Variants in TJP3 observed in about 807,000 individuals in gnomAD.
The protein encoded by TJP3 is tight junction protein ZO-3.
A neutral mutation model predicts 104.2 loss-of-function variants in TJP3; 85 were observed. The observed-to-expected ratio is 0.82, with a 90% CI of 0.68 to 0.98. The LOEUF (loss-of-function observed/expected upper bound fraction) is 0.98, where lower values mean the gene tolerates loss of function less well. TJP3 is among the 50% of genes least tolerant of loss of function. TJP3 has a pLI of 0.00. For synonymous variants in TJP3, 550 were observed against 550.6 expected (o/e 1.00, Z 0.02); for missense variants, 1,367 against 1,322.8 (o/e 1.03, Z -0.52).
chr19:3,734,548 G>T, intron 8 of TJP3, 113 bp downstream of exon 8: 1 of 934,064 alleles, frequency 1.1e-6, no homozygotes, highest in Non-Finnish European at 1.6e-6. Context: ...ACGCAGTCCT[G>T]TATTTCTAGC....
At chr19:3,716,801 A>ATATATATTT (rs1421328174) in intron 1 of TJP3, among the ~76,000 whole-genome samples, 22 of 81,932 alleles carry the variant, frequency 2.7e-4, no homozygotes, top group African/African-American at 8.8e-4. Context: ...ATATATATAT[A>ATATATATTT]TTTTTTTTTT....
Position 3,736,333 on chromosome 19 carries a change from G to A in TJP3, c.1284+12G>A, listed in dbSNP as rs1401645411. The stretch of plus-strand genomic sequence containing the variant: ...ATCAGATTCTGCAGGTGCTCCGGGG[G>A]CGGCTGGCCAGCCCCACTGATCATG... On this transcript the variant is annotated intron_variant, in intron 11 of 20. Coordinates refer to ENST00000541714, the MANE Select transcript of TJP3 (RefSeq NM_001267560.2). 1.3e-6 allele frequency: 2 copies of A among 1,519,688 alleles called. No homozygotes were observed. Among genetic ancestry groups the A allele is most frequent in the East Asian group, 2.3e-5 (1 of 43,782 alleles). 94.1% of individuals were successfully genotyped at this position (1,519,688 alleles called of 1,614,324 possible).
At chr19:3,728,777 G>C in intron 3 of TJP3, 64 bp downstream of exon 3, 1 of 1,540,224 alleles carries the variant, frequency 6.5e-7, no homozygotes, top group Non-Finnish European at 8.9e-7. Context: ...ACCAGGCCAG[G>C]CACAGTGACT....
At chr19:3,709,193 G>C (rs919543869) in intron 1 of TJP3, among the ~76,000 whole-genome samples, 1 of 151,930 alleles carries the variant, frequency 6.6e-6, no homozygotes, top group Non-Finnish European at 1.5e-5. Context: ...TTGGCTCACT[G>C]CAACCTCTGC....
intron 1 of TJP3, among the ~76,000 whole-genome samples, chr19:3,724,893 A>G (rs2036581773): frequency 6.6e-6 from 1 of 152,098 alleles, no homozygotes; most frequent in African/African-American, 2.4e-5. Flanking sequence ...AAAAAAAAAA[A>G]GATGCAGTTT....
intron 1 of TJP3, among the ~76,000 whole-genome samples, chr19:3,716,279 G>T (rs951327452): frequency 3.4e-5 from 5 of 148,504 alleles, no homozygotes; most frequent in African/African-American, 1.2e-4. Context: ...CACCCTGTTG[G>T]CCAGGCTGCT....
intron 6 of TJP3, 108 bp from the exon 7 acceptor site, chr19:3,733,645 A>C: frequency 1.3e-6 from 2 of 1,496,618 alleles, no homozygotes; most frequent in Non-Finnish European, 1.8e-6. Context: ...TGTTTTTAGC[A>C]ACCTCTGGGG....
Position 3,746,615 on chromosome 19 carries a change from C to T in TJP3, c.2141C>T (p.Ala714Val), listed in dbSNP as rs201435495. The T allele has an allele frequency of 1.3e-4, 208 of 1,608,212 alleles. No homozygotes were observed. Among genetic ancestry groups the T allele is most frequent in the African/African-American group, 2.4e-4 (18 of 74,940 alleles). The change falls in exon 17 of 21, where the codon GCG (alanine) becomes GTG (valine). Residue 714 changes from alanine to valine, a missense_variant. By Grantham distance (64) the Ala-to-Val change is moderately conservative (BLOSUM62 0). Transcript: ENST00000541714. This position sits in a 1 kb window ranked among gnomAD's most constrained non-coding sequence, Gnocchi z 4.1. ...PALKALRQWL[A>V]PASRRSTRRL... ...CTCAAGGCACTGCGCCAGTGGCTGGCGCCTGCCTCCCGCCGCAGCACCCGT... is the reference window on the plus strand; with the variant it reads ...CTCAAGGCACTGCGCCAGTGGCTGGTGCCTGCCTCCCGCCGCAGCACCCGT...
At position 3,730,189 on chromosome 19, in the gene TJP3, T is replaced by C. The variant is rs2145682550; in HGVS notation, c.261+59T>C. On this transcript the variant is annotated intron_variant, in intron 4 of 20. Transcript: ENST00000541714. This position sits in a 1 kb window ranked among gnomAD's most constrained non-coding sequence, Gnocchi z 7.3. ...CTGACCCCAGCCTGGGTCGTGCCGC[T>C]GTGGGGGTTGTAAGCTTCTGAGAGC... 4 of 1,572,980 alleles carry C rather than the reference T, an allele frequency of 2.5e-6. No individual in the cohort carries two copies. The East Asian group carries it at 6.7e-5, about 26-fold the overall frequency.
rs560945663 is a variant in TJP3 at position 3,737,040 on chromosome 19, C to T, written c.1284+719C>T. Among the ~76,000 whole-genome samples, 65 of 151,288 alleles carry T rather than the reference C, an allele frequency of 4.3e-4. 1 individual carries two copies. Among genetic ancestry groups the T allele is most frequent in the Non-Finnish European group, 8.2e-4 (56 of 67,888 alleles). On this transcript the variant is annotated intron_variant, in intron 11 of 20. Coordinates refer to ENST00000541714, the MANE Select transcript of TJP3 (RefSeq NM_001267560.2). Reference sequence around the variant, plus strand: ...GATCACAGGTGGCCGCCACCATGCCCAGCTAATTTTTGTGTTTTTAGTAGA... The same window carrying T: ...GATCACAGGTGGCCGCCACCATGCCTAGCTAATTTTTGTGTTTTTAGTAGA...
chr19:3,742,566 CA>C (rs1050820535), intron 14 of TJP3, among the ~76,000 whole-genome samples: 54 of 146,652 alleles, frequency 3.7e-4, no homozygotes, highest in African/African-American at 1.3e-3. Context: ...TTGCCCGGGA[CA>C]GGGGTGGGTG....
Position 3,746,586 on chromosome 19 carries a change from G to A in TJP3, c.2112G>A (p.Pro704=), listed in dbSNP as rs747252695. 24 of 1,613,732 alleles carry A rather than the reference G, an allele frequency of 1.5e-5. No homozygotes were observed. Among genetic ancestry groups the A allele is most frequent in the Admixed American group, 3.3e-5 (2 of 59,996 alleles). Residue 704 remains proline, a synonymous_variant, in exon 17 of 21, where the codon CCG becomes CCA. Coordinates refer to ENST00000541714, the MANE Select transcript of TJP3 (RefSeq NM_001267560.2). This position sits in a 1 kb window ranked among gnomAD's most constrained non-coding sequence, Gnocchi z 4.1. The part of the protein sequence containing the change: ...IVVFFIPESR[P]ALKALRQWLA... Reference sequence around the variant, plus strand: ...TCTTCTTCATCCCCGAGAGCCGGCCGGCCCTCAAGGCACTGCGCCAGTGGC... The same window carrying A: ...TCTTCTTCATCCCCGAGAGCCGGCCAGCCCTCAAGGCACTGCGCCAGTGGC...
At chr19:3,749,359 A>G (rs374998329) in intron 19 of TJP3, among the ~76,000 whole-genome samples, 33 of 152,120 alleles carry the variant, frequency 2.2e-4, no homozygotes, top group African/African-American at 7.5e-4. Flanking sequence ...TAAATTTTAG[A>G]GATAGGGTCT....
intron 1 of TJP3, among the ~76,000 whole-genome samples, chr19:3,717,251 C>T (rs1370411318): frequency 6.8e-6 from 1 of 146,216 alleles, no homozygotes; most frequent in Non-Finnish European, 1.5e-5. Context: ...AGGCACGAGC[C>T]ACCACGCCTG....
chr19:3,744,681 CAATT>C (rs1313074873), intron 15 of TJP3, among the ~76,000 whole-genome samples: 90 of 146,102 alleles, frequency 6.2e-4, no homozygotes, highest in African/African-American at 2.2e-3. Context: ...AAAACAAAAA[CAATT>C]AAGATAGACT....
chr19:3,748,012 G>A lies in TJP3; in HGVS notation c.2541G>A (p.Glu847=), dbSNP rs1382578576. ...CTCCAGCCCTGGCCCGGTCCTCGGA[G>A]CCCGTGCAGGCAGATGAGTCCCAGA... is the stretch of plus-strand genomic sequence containing the variant. ...PPAPALARSS[E]PVQADESQSP... Residue 847 remains glutamate, a synonymous_variant, in exon 19 of 21, where the codon GAG becomes GAA. Coordinates refer to ENST00000541714, the MANE Select transcript of TJP3 (RefSeq NM_001267560.2). 1 of 1,606,880 alleles carries A rather than the reference G, an allele frequency of 6.2e-7. No homozygotes were observed. Among genetic ancestry groups the A allele is most frequent in the South Asian group, 1.1e-5 (1 of 90,292 alleles).
At chr19:3,717,687 G>A (rs932601641) in intron 1 of TJP3, among the ~76,000 whole-genome samples, 8 of 151,600 alleles carry the variant, frequency 5.3e-5, no homozygotes, top group Admixed American at 1.3e-4. Flanking sequence ...TCCTGCCTTG[G>A]CCTCCCAGAG....
At position 3,740,745 on chromosome 19, in the gene TJP3, C is replaced by T. The variant is rs368537756; in HGVS notation, c.1825C>T (p.Arg609Ter). The part of the protein sequence containing the change: ...TRQGRYPPYE[R>*]VVLREASFKR... Reference sequence around the variant, plus strand: ...ACAGGGCCGCTACCCGCCCTACGAACGAGTGGTGTTGCGAGAAGGTGGGGC... The same window carrying T: ...ACAGGGCCGCTACCCGCCCTACGAATGAGTGGTGTTGCGAGAAGGTGGGGC... The change falls in exon 14 of 21, where the codon CGA (arginine) becomes TGA (stop). Residue 609 changes from arginine to a stop codon, truncating the protein, a stop_gained. Coordinates refer to ENST00000541714, the MANE Select transcript of TJP3 (RefSeq NM_001267560.2). LOFTEE classifies it high-confidence loss of function. 8.8e-6 allele frequency: 14 copies of T among 1,586,876 alleles called. No individual in the cohort carries two copies. Among genetic ancestry groups the T allele is most frequent in the African/African-American group, 1.4e-5 (1 of 73,854 alleles).
At position 3,730,495 on chromosome 19, in the gene TJP3, A is replaced by C; in HGVS notation, c.402A>C (p.Ser134=). The change falls in exon 5 of 21, where the codon TCA becomes TCC. Residue 134 remains serine, a synonymous_variant. Transcript: ENST00000541714. This position sits in a 1 kb window ranked among gnomAD's most constrained non-coding sequence, Gnocchi z 7.3. ...VDQGRGYDGD[S]SSGSGRSWDE... ...AGGGCCGGGGCTATGACGGCGACTC[A>C]TCCAGTGGCTCCGGCCGCTCCTGGG... The C allele has an allele frequency of 6.3e-7, 1 of 1,587,780 alleles. No individual in the cohort carries two copies. The highest frequency in any genetic ancestry group is 2.3e-5 in the East Asian group (1 of 43,904).
Sources: gnomAD v4.1 joint callset for allele counts (sites outside exome capture counted in the v4.1 genomes callset) on GRCh38, gnomAD v4.1.1 for gene constraint, Gnocchi (gnomAD v3.1) non-coding constraint, MANE v1.5 for transcripts, NCBI Gene and HGNC (gene_info 2026-07-23, HGNC 2026-07-21) for gene names.